FBXO27: variants seen among roughly 807,000 people sequenced by gnomAD.
The protein encoded by FBXO27 is F-box only protein 27.
FBXO27 carries 28 observed loss-of-function variants against 28.3 expected under a neutral mutation model. The observed-to-expected ratio is 0.99, with a 90% CI of 0.73 to 1.36. The LOEUF (loss-of-function observed/expected upper bound fraction) is 1.36, where lower values mean the gene tolerates loss of function less well. FBXO27 is among the 40% of genes most tolerant of loss of function. The pLI is 0.00. For missense variants in FBXO27, 388 were observed against 394.1 expected (o/e 0.98, Z 0.13); for synonymous variants, 175 against 167.3 (o/e 1.05, Z -0.36).
chr19:39,022,949 C>A (rs957894695), downstream of FBXO27, among the ~76,000 whole-genome samples: 1 of 152,088 alleles, frequency 6.6e-6, no homozygotes, highest in Admixed American at 6.6e-5. Context: ...AGGTGCCCAC[C>A]ACCATGCCTG....
intron 4 of FBXO27, 61 bp downstream of exon 4, chr19:39,030,966 TAA>T: frequency 7.1e-7 from 1 of 1,416,658 alleles, no homozygotes; most frequent in Non-Finnish European, 1.0e-6. Flanking sequence ...AAGTCACCCA[TAA>T]AAAGGCCATG....
At chr19:39,020,945 C>A (rs1034555902), downstream of FBXO27, among the ~76,000 whole-genome samples, 1 of 152,026 alleles carries the variant, frequency 6.6e-6, no homozygotes, top group Non-Finnish European at 1.5e-5. Context: ...ACCTCCGCCT[C>A]CCGGGTTCAA....
At chr19:39,025,676 A>C in intron 5 of FBXO27, 122 bp from the exon 6 acceptor site, 1 of 1,260,096 alleles carries the variant, frequency 7.9e-7, no homozygotes, top group South Asian at 1.6e-5. Flanking sequence ...ATTGGGCCAC[A>C]TGTTCTTCTA....
In FBXO27 at chr19:39,026,930, T is replaced by A. The variant is rs778594688; in HGVS notation, c.648A>T (p.Leu216=). The part of the protein sequence containing the change: ...VQLLDANQTV[L]DKFSAVPDPI... Reference sequence around the variant, plus strand: ...GATCAGGCACAGCAGAGAATTTATCTAGAACAGTCTGGTTGGCGTCTAGAA... The same window carrying A: ...GATCAGGCACAGCAGAGAATTTATCAAGAACAGTCTGGTTGGCGTCTAGAA... Residue 216 remains leucine (L), a synonymous_variant, in exon 5 of 6, where the codon CTA becomes CTT. Transcript: ENST00000292853. 1 of 1,614,194 alleles carries A rather than the reference T, an allele frequency of 6.2e-7. No individual in the cohort carries two copies. Among genetic ancestry groups the A allele is most frequent in the Admixed American group, 1.7e-5 (1 of 59,988 alleles).
intron 2 of FBXO27, among the ~76,000 whole-genome samples, chr19:39,010,458 T>C (rs1046196898): frequency 6.6e-6 from 1 of 152,184 alleles, no homozygotes; most frequent in African/African-American, 2.4e-5. Context: ...TCTATTCCAT[T>C]GATTTATGTC....
rs2072823914 is a variant in FBXO27, at chr19:39,017,087, CAAA to C, written c.92-2543_92-2541del. Among the ~76,000 whole-genome samples, 3 of 152,128 alleles carry C rather than the reference CAAA, an allele frequency of 2.0e-5. No homozygotes were observed. In the South Asian group the frequency reaches 6.2e-4, roughly 32 times the overall value. On this transcript the variant is annotated intron_variant, in intron 1 of 2. Coordinates refer to the FBXO27 transcript ENST00000598394. ...GTGAGAGTGTGAGATCCTGCCTCAACAAATAATTTTTTTGCTTTAAAGTGAAAC... is the reference window on the plus strand; with the variant it reads ...GTGAGAGTGTGAGATCCTGCCTCAACTAATTTTTTTGCTTTAAAGTGAAAC...
At chr19:39,020,940 C>T (rs947265772), downstream of FBXO27, among the ~76,000 whole-genome samples, 2 of 151,868 alleles carry the variant, frequency 1.3e-5, no homozygotes, top group African/African-American at 2.4e-5. Context: ...CTGCAACCTC[C>T]GCCTCCCGGG....
intron 1 of FBXO27, among the ~76,000 whole-genome samples, chr19:39,015,126 G>A (rs1426836559): frequency 2.0e-5 from 3 of 151,464 alleles, no homozygotes; most frequent in Non-Finnish European, 4.4e-5. Flanking sequence ...GACCAGCCTG[G>A]GCAACGTGGC....
chr19:39,026,197 C>T lies in FBXO27; in HGVS notation c.709-643G>A, dbSNP rs909031842. On this transcript the variant is annotated intron_variant, in intron 5 of 5. Transcript: ENST00000292853. Reference sequence around the variant, plus strand: ...TGGAACCCTCCTCCCTGAGCAACCACATGAGCAATCTGACTGCCTAGGAGC... The same window carrying T: ...TGGAACCCTCCTCCCTGAGCAACCATATGAGCAATCTGACTGCCTAGGAGC... Among the ~76,000 whole-genome samples the T allele has an allele frequency of 1.1e-4, 17 of 152,104 alleles. No homozygotes were observed. In the East Asian group the frequency reaches 3.3e-3, roughly 29 times the overall value.
downstream of FBXO27, among the ~76,000 whole-genome samples, chr19:39,019,317 C>T (rs1283975847): frequency 1.1e-4 from 16 of 149,792 alleles, no homozygotes; most frequent in African/African-American, 2.7e-4. Flanking sequence ...CCCAGCTACT[C>T]GGGAGGCTGA....
rs536244 is a variant in FBXO27, at chr19:39,025,016, C to T, written c.*395G>A. 149,264 of 169,858 alleles carry T rather than the reference C, an allele frequency of 0.88. 65,864 individuals are homozygous for T. The highest frequency in any genetic ancestry group is 0.97 in the African/African-American group (40,544 of 41,982). The allele number at this position is 169,858 out of a possible 1,614,324, so 10.5% of individuals were successfully genotyped here. On this transcript the variant is annotated 3_prime_UTR_variant, in exon 6 of 6. Transcript: ENST00000292853. ...AAGGAAGTCCCTGTGGCAGAAACAA[C>T]AGGAGACAAGAGGTCAGTGGTGCGG...
chr19:39,021,152 T>C (rs143891387), downstream of FBXO27, among the ~76,000 whole-genome samples: 123 of 152,298 alleles, frequency 8.1e-4, no homozygotes, highest in Middle Eastern at 0.01. Context: ...GGCCAGAAGA[T>C]GTTAACTGAA....
At chr19:39,012,906 G>C (rs1457832531) in intron 2 of FBXO27, among the ~76,000 whole-genome samples, 1 of 152,110 alleles carries the variant, frequency 6.6e-6, no homozygotes, top group Non-Finnish European at 1.5e-5. Context: ...GTTGCAGTGA[G>C]TCAAGATGGC....
intron 2 of FBXO27, among the ~76,000 whole-genome samples, chr19:39,009,706 A>G (rs2072785659): frequency 6.6e-6 from 1 of 152,072 alleles, no homozygotes; most frequent in African/African-American, 2.4e-5. Context: ...CCCTTATCAG[A>G]TATATAATTT....
chr19:39,031,864 C>T lies in FBXO27; in HGVS notation c.364G>A (p.Glu122Lys). 7 of 1,477,504 alleles carry T rather than the reference C, an allele frequency of 4.7e-6. No homozygotes were observed. The highest frequency in any genetic ancestry group is 6.2e-6 in the Non-Finnish European group (7 of 1,126,086). The allele number at this position is 1,477,504 out of a possible 1,614,324, so 91.5% of individuals were successfully genotyped here. ...TGGACTTCCTCTTCCGAGATCCCAC[C>T]TTGGCCGCAGGGGTTGCGAATAAGG... Reference protein sequence around the residue: ...RNLIRNPCGQEGLRKWMVQHG... With the variant: ...RNLIRNPCGQKGLRKWMVQHG... Residue 122 changes from glutamate (E) to lysine (K), a missense_variant and splice_region_variant, in exon 2 of 6, where the codon GAA (glutamate) becomes AAA (lysine). Coordinates refer to ENST00000292853, the MANE Select transcript of FBXO27 (RefSeq NM_178820.5).
chr19:39,022,849 T>C (rs559271253), downstream of FBXO27, among the ~76,000 whole-genome samples: 9 of 150,680 alleles, frequency 6.0e-5, no homozygotes, highest in African/African-American at 2.0e-4. Flanking sequence ...CCTGGCTGGA[T>C]AGCAATGGCG....
In FBXO27 at chr19:39,031,994, G is replaced by C. The variant is rs773829465; in HGVS notation, c.234C>G (p.Thr78=). 2.0e-6 allele frequency: 3 copies of C among 1,518,074 alleles called. No individual in the cohort carries two copies. Among genetic ancestry groups the C allele is most frequent in the African/African-American group, 1.4e-5 (1 of 69,258 alleles). 94.0% of individuals were successfully genotyped at this position (1,518,074 alleles called of 1,614,324 possible). A position where few individuals can be genotyped will look rare whatever the true frequency, so the allele number is the denominator to read the frequency against. ...LLILARDHGA[T]GRALLHLARS... is the part of the protein sequence containing the mutation. ...GGGCGAGGTGCAGCAGCGCGCGGCC[G>C]GTGGCGCCGTGGTCGCGGGCCAGGA... The change falls in exon 2 of 6, where the codon ACC becomes ACG. Residue 78 remains threonine, a synonymous_variant. Transcript: ENST00000292853.
intron 2 of FBXO27, among the ~76,000 whole-genome samples, chr19:39,008,694 C>G (rs1206574120): frequency 1.3e-5 from 2 of 152,168 alleles, no homozygotes. Flanking sequence ...AATCTATTTC[C>G]TGTCTCCACA....
downstream of FBXO27, among the ~76,000 whole-genome samples, chr19:39,020,412 G>A (rs532790313): frequency 2.0e-5 from 3 of 151,960 alleles, no homozygotes; most frequent in African/African-American, 2.4e-5. Flanking sequence ...AGAACCCCAC[G>A]AATGCAACAA....
Sources: gnomAD v4.1 joint callset for allele counts (sites outside exome capture counted in the v4.1 genomes callset) on GRCh38, gnomAD v4.1.1 for gene constraint, MANE v1.5 for transcripts, NCBI Gene and HGNC (gene_info 2026-07-23, HGNC 2026-07-21) for gene names.